Variants in NFILZ observed in about 807,000 individuals in gnomAD.
NFILZ encodes NFIL3 like protein.
intron 3 of NFILZ, among the ~76,000 whole-genome samples, chr19:8,649,979 G>T (rs1297245143): frequency 6.6e-6 from 1 of 151,968 alleles, no homozygotes; most frequent in Non-Finnish European, 1.5e-5. Flanking sequence ...GCCGGTCTTG[G>T]TCGTGGGCGC....
chr19:8,672,835 G>A (rs1483636008), intron 3 of NFILZ, among the ~76,000 whole-genome samples: 1 of 152,154 alleles, frequency 6.6e-6, no homozygotes, highest in Non-Finnish European at 1.5e-5. Context: ...GGTGAATTGA[G>A]GAACATATGA....
chr19:8,633,357 C>T (rs1464481959), intron 2 of NFILZ, among the ~76,000 whole-genome samples: 4 of 152,118 alleles, frequency 2.6e-5, no homozygotes, highest in Non-Finnish European at 5.9e-5. Context: ...TTTCACTTTA[C>T]TCCGTGGACT....
chr19:8,679,535 G>A lies in NFILZ; in HGVS notation c.*1900G>A, dbSNP rs2043135829. On this transcript the variant is annotated 3_prime_UTR_variant, in exon 6 of 6. Coordinates refer to ENST00000691075, the MANE Select transcript of NFILZ (RefSeq NM_001378600.1). ...AGAGCCACAAATGTGTGCAGGGTGA[G>A]GACGTACAAAGTGCCTCTCTCTCAC... Among the ~76,000 whole-genome samples the A allele has an allele frequency of 6.6e-6, 1 of 152,044 alleles. No homozygotes were observed. The highest frequency in any genetic ancestry group is 1.5e-5 in the Non-Finnish European group (1 of 68,012).
Position 8,664,889 on chromosome 19 carries a change from CT to C in NFILZ, c.-163-9661del, listed in dbSNP as rs372595995. ...CTCCAACTCCCTGCTTGCACACCCC[CT>C]GTGACGGGCAGCTCATTACCTATCA... On this transcript the variant is annotated intron_variant, in intron 3 of 5. Coordinates refer to ENST00000691075, the MANE Select transcript of NFILZ (RefSeq NM_001378600.1). 7.6e-4 allele frequency among the ~76,000 whole-genome samples: 116 copies of C among 152,226 alleles called. 1 individual carries two copies. The South Asian group carries it at 0.024, about 31-fold the overall frequency.
chr19:8,665,626 C>T (rs187866590), intron 3 of NFILZ, among the ~76,000 whole-genome samples: 2 of 152,306 alleles, frequency 1.3e-5, no homozygotes, highest in East Asian at 1.9e-4. Context: ...CAGGCATGAG[C>T]CTTCATGCCT....
chr19:8,631,585 G>A (rs965692518), intron 1 of NFILZ, among the ~76,000 whole-genome samples: 15 of 152,136 alleles, frequency 9.9e-5, no homozygotes, highest in Admixed American at 5.9e-4. Context: ...CTCTTCCCCC[G>A]AGTCCAGGGT....
rs1457777881 is a variant in NFILZ, at chr19:8,680,183, G to A, written c.*2548G>A. On this transcript the variant is annotated 3_prime_UTR_variant, in exon 6 of 6. Coordinates refer to ENST00000691075, the MANE Select transcript of NFILZ (RefSeq NM_001378600.1). ...TGCAGTCCAGCCTGGGCGACAGAGC[G>A]AGACTCCATCTGAAAAAAAAAAAAA... Among the ~76,000 whole-genome samples, 7 of 136,420 alleles carry A rather than the reference G, an allele frequency of 5.1e-5. No homozygotes were observed. The highest frequency in any genetic ancestry group is 1.4e-4 in the African/African-American group (5 of 35,924). The allele number at this position is 136,420 out of a possible 152,430, so 89.5% of individuals were successfully genotyped here. A position where few individuals can be genotyped will look rare whatever the true frequency, so the allele number is the denominator to read the frequency against.
intron 3 of NFILZ, among the ~76,000 whole-genome samples, chr19:8,642,401 C>A (rs965297654): frequency 6.6e-6 from 1 of 152,122 alleles, no homozygotes; most frequent in Non-Finnish European, 1.5e-5. Flanking sequence ...TATCTGTTAG[C>A]CTTTGCTGTG....
Position 8,677,911 on chromosome 19 carries a change from C to T in NFILZ, c.*276C>T, listed in dbSNP as rs2043118627. Among the ~76,000 whole-genome samples, 1 of 151,962 alleles carries T rather than the reference C, an allele frequency of 6.6e-6. No individual in the cohort carries two copies. The highest frequency in any genetic ancestry group is 1.5e-5 in the Non-Finnish European group (1 of 67,980). On this transcript the variant is annotated 3_prime_UTR_variant, in exon 6 of 6. Transcript: ENST00000691075. ...CTTTTCCCTCTTCCTTCCTCCTTTC[C>T]ATTTATCTATTCTTCCCTATAGCCA...
intron 3 of NFILZ, among the ~76,000 whole-genome samples, chr19:8,636,781 G>A (rs375465024): frequency 6.6e-6 from 1 of 151,922 alleles, no homozygotes; most frequent in African/African-American, 2.4e-5. Flanking sequence ...TAATAGAGGT[G>A]AGGTTTCACC....
chr19:8,665,462 C>A (rs536471037), intron 3 of NFILZ, among the ~76,000 whole-genome samples: 1 of 152,250 alleles, frequency 6.6e-6, no homozygotes, highest in East Asian at 1.9e-4. Context: ...AAACAATACC[C>A]TCATTCTTCA....
In NFILZ at chr19:8,647,791, GCGCGCACACACACACACA is replaced by G. The variant is rs1175527173; in HGVS notation, c.-164+12047_-164+12064del. On this transcript the variant is annotated intron_variant, in intron 3 of 5. Coordinates refer to ENST00000691075, the MANE Select transcript of NFILZ (RefSeq NM_001378600.1). Reference sequence around the variant, plus strand: ...CACACGCACACATGCGCGCGCGCGCGCGCGCACACACACACACACACACACACACACACACACACACAC... The same window carrying G: ...CACACGCACACATGCGCGCGCGCGCGCACACACACACACACACACACACAC... Among the ~76,000 whole-genome samples, 178 of 70,026 alleles carry G rather than the reference GCGCGCACACACACACACA, an allele frequency of 2.5e-3. 1 individual carries two copies. Among genetic ancestry groups the G allele is most frequent in the Middle Eastern group, 0.011 (1 of 94 alleles). The allele number at this position is 70,026 out of a possible 152,430, so 45.9% of individuals were successfully genotyped here. A position where few individuals can be genotyped will look rare whatever the true frequency, so the allele number is the denominator to read the frequency against.
intron 3 of NFILZ, among the ~76,000 whole-genome samples, chr19:8,646,303 C>T (rs558453845): frequency 6.6e-6 from 1 of 152,314 alleles, no homozygotes; most frequent in African/African-American, 2.4e-5. Context: ...TCCCAAAGTG[C>T]TGGGATTACA....
Position 8,677,803 on chromosome 19 carries a change from C to T in NFILZ, c.*168C>T, listed in dbSNP as rs1203787695. ...ACTTCACAGCTTCCATACCAGACCTCCTAGGGGTGGAGTGGATGGGAGCCC... is the reference window on the plus strand; with the variant it reads ...ACTTCACAGCTTCCATACCAGACCTTCTAGGGGTGGAGTGGATGGGAGCCC... On this transcript the variant is annotated 3_prime_UTR_variant, in exon 6 of 6. Transcript: ENST00000691075. 2.0e-5 allele frequency among the ~76,000 whole-genome samples: 3 copies of T among 152,028 alleles called. No homozygotes were observed. The highest frequency in any genetic ancestry group is 2.0e-4 in the Admixed American group (3 of 15,272).
intron 2 of NFILZ, among the ~76,000 whole-genome samples, chr19:8,634,763 C>A (rs1275870097): frequency 6.6e-6 from 1 of 152,034 alleles, no homozygotes; most frequent in Non-Finnish European, 1.5e-5. Flanking sequence ...ATTCGTAGTT[C>A]CAGCTAATTG....
At chr19:8,669,985 T>G (rs1044073476) in intron 3 of NFILZ, among the ~76,000 whole-genome samples, 2 of 152,120 alleles carry the variant, frequency 1.3e-5, no homozygotes, top group Non-Finnish European at 2.9e-5. Context: ...AAGGGGAGAT[T>G]CTCCACGGAT....
chr19:8,633,787 G>A (rs1253392152), intron 2 of NFILZ, among the ~76,000 whole-genome samples: 3 of 152,280 alleles, frequency 2.0e-5, no homozygotes, highest in Admixed American at 6.5e-5. Flanking sequence ...GACAGATGTC[G>A]AGGCTGGACA....
intron 3 of NFILZ, among the ~76,000 whole-genome samples, chr19:8,661,267 A>G (rs2146161554): frequency 6.6e-6 from 1 of 150,828 alleles, no homozygotes; most frequent in Middle Eastern, 3.4e-3. Flanking sequence ...GGTTCAAGCA[A>G]TCCTCCCACC....
intron 3 of NFILZ, among the ~76,000 whole-genome samples, chr19:8,646,271 A>G (rs1396365834): frequency 6.6e-6 from 1 of 152,120 alleles, no homozygotes; most frequent in Non-Finnish European, 1.5e-5. Context: ...TCCTGACCTC[A>G]AGTGATCTGC....
Sources: gnomAD v4.1 joint callset for allele counts (sites outside exome capture counted in the v4.1 genomes callset) on GRCh38, gnomAD v4.1.1 for gene constraint, MANE v1.5 for transcripts, NCBI Gene and HGNC (gene_info 2026-07-23, HGNC 2026-07-21) for gene names.